Variants in CNTNAP2 observed in about 807,000 individuals in gnomAD.
The protein encoded by CNTNAP2 is contactin-associated protein-like 2.
A neutral mutation model predicts 155.2 loss-of-function variants in CNTNAP2; 98 were observed. That is an observed-to-expected ratio of 0.63 (90% CI 0.54 to 0.75). CNTNAP2 has a LOEUF of 0.75. Among genes scored for constraint, CNTNAP2 ranks in the 30% least tolerant of loss-of-function variants. The pLI is 0.00. For missense variants in CNTNAP2, 1,727 were observed against 1,688.1 expected, an observed-to-expected ratio of 1.02 and a Z score of -0.40; for synonymous variants, 651 against 631.2, an observed-to-expected ratio of 1.03 and a Z score of -0.47.
chr7:146,334,098 A>AT (rs1801230491), intron 1 of CNTNAP2, among the ~76,000 whole-genome samples: 1 of 152,186 alleles, frequency 6.6e-6, no homozygotes, highest in South Asian at 2.1e-4. Flanking sequence ...CTCAGTAGGC[A>AT]AGAGGCATAG....
chr7:148,069,759 C>CAAAAA (rs57389619), intron 15 of CNTNAP2, among the ~76,000 whole-genome samples: 1 of 68,930 alleles, frequency 1.5e-5, no homozygotes, highest in African/African-American at 4.1e-5. Flanking sequence ...GACTCCGTCT[C>CAAAAA]AAAAAAAAAA....
chr7:146,518,988 A>G lies in CNTNAP2; in HGVS notation c.98-255283A>G, dbSNP rs145026090. 2.4e-3 allele frequency among the ~76,000 whole-genome samples: 371 copies of G among 152,034 alleles called. 4 individuals are homozygous for G. Among genetic ancestry groups the G allele is most frequent in the Non-Finnish European group, 1.0e-3 (71 of 67,874 alleles). ...GCTAATTATCTTTCAATCTGTCAGT[A>G]TCACATCTGTGAAGGTTTTCTTTCT... On this transcript the variant is annotated intron_variant, in intron 1 of 23. Coordinates refer to ENST00000361727, the MANE Select transcript of CNTNAP2 (RefSeq NM_014141.6).
chr7:148,294,303 C>T (rs1797243486), intron 21 of CNTNAP2, among the ~76,000 whole-genome samples: 1 of 152,150 alleles, frequency 6.6e-6, no homozygotes, highest in East Asian at 1.9e-4. Flanking sequence ...TCAGAATATA[C>T]TCTCTAAGCA....
At chr7:146,525,913 C>G (rs1175800407) in intron 1 of CNTNAP2, among the ~76,000 whole-genome samples, 1 of 152,120 alleles carries the variant, frequency 6.6e-6, no homozygotes, top group Non-Finnish European at 1.5e-5. Context: ...CATGCTGTAT[C>G]TGCTTATGTT....
At chr7:146,609,868 C>A (rs1459798192) in intron 1 of CNTNAP2, among the ~76,000 whole-genome samples, 1 of 152,142 alleles carries the variant, frequency 6.6e-6, no homozygotes, top group East Asian at 1.9e-4. Context: ...AACTCCAGAC[C>A]AGTGGTTCAC....
intron 21 of CNTNAP2, among the ~76,000 whole-genome samples, chr7:148,325,435 A>G (rs1023416576): frequency 6.6e-6 from 1 of 152,256 alleles, no homozygotes; most frequent in African/African-American, 2.4e-5. Flanking sequence ...CACAACTAAC[A>G]AAGACCATCT....
At position 146,413,860 on chromosome 7, in the gene CNTNAP2, G is replaced by A. The variant is rs114512254; in HGVS notation, c.97+296887G>A. On this transcript the variant is annotated intron_variant, in intron 1 of 23. Coordinates refer to ENST00000361727, the MANE Select transcript of CNTNAP2 (RefSeq NM_014141.6). The stretch of plus-strand genomic sequence containing the variant: ...TTCTTTTTTTTCTTTTTTAAAAGTT[G>A]AGCTTATAAGATCATGCCTGGTGAA... 5.5e-3 allele frequency among the ~76,000 whole-genome samples: 830 copies of A among 151,898 alleles called. 8 individuals carry two copies. Among genetic ancestry groups the A allele is most frequent in the African/African-American group, 0.019 (773 of 41,436 alleles).
At chr7:146,659,461 C>T (rs987593354) in intron 1 of CNTNAP2, among the ~76,000 whole-genome samples, 3 of 152,044 alleles carry the variant, frequency 2.0e-5, no homozygotes, top group African/African-American at 7.2e-5. Flanking sequence ...GCAAAAATGT[C>T]CTGCTATTTT....
At chr7:147,654,808 C>CTTTTTTTTTTTTTTTTTTTT (rs1186575442) in intron 13 of CNTNAP2, among the ~76,000 whole-genome samples, 2 of 97,342 alleles carry the variant, frequency 2.1e-5, no homozygotes, top group East Asian at 2.8e-4. Flanking sequence ...AAATATATTT[C>CTTTTTTTTTTTTTTTTTTTT]TTTTTTTTTT....
chr7:147,468,768 A>G (rs970860767), intron 10 of CNTNAP2, among the ~76,000 whole-genome samples: 26 of 152,114 alleles, frequency 1.7e-4, no homozygotes, highest in African/African-American at 6.0e-4. Context: ...ATTCCTCACT[A>G]CTTAAAGATT....
chr7:147,903,729 C>T lies in CNTNAP2; in HGVS notation c.2255+8C>T. The T allele has an allele frequency of 1.2e-6, 2 of 1,613,144 alleles. No homozygotes were observed. Among genetic ancestry groups the T allele is most frequent in the Non-Finnish European group, 1.7e-6 (2 of 1,179,640 alleles). ...CGCGGACTACAAGCAATGGTGAGTG[C>T]CTGCGGGCAGCACAGCCAGGCTCAC... On this transcript the variant is annotated splice_region_variant and intron_variant, in intron 14 of 23. Transcript: ENST00000361727.
intron 10 of CNTNAP2, among the ~76,000 whole-genome samples, chr7:147,398,060 C>A (rs1463884599): frequency 2.0e-5 from 3 of 152,028 alleles, no homozygotes; most frequent in Admixed American, 6.6e-5. Context: ...AGTTCAAAAT[C>A]TTAAGCATGA....
intron 15 of CNTNAP2, among the ~76,000 whole-genome samples, chr7:148,044,259 G>A (rs1056185372): frequency 2.8e-5 from 4 of 144,888 alleles, no homozygotes; most frequent in African/African-American, 1.0e-4. Flanking sequence ...TTCTAGCTCC[G>A]ACCCAAGGGG....
intron 14 of CNTNAP2, among the ~76,000 whole-genome samples, chr7:147,932,279 C>T (rs1046232982): frequency 5.3e-5 from 8 of 152,126 alleles, no homozygotes; most frequent in Non-Finnish European, 8.8e-5. Flanking sequence ...AGAAAAAGAA[C>T]AAAGCTGGAG....
At chr7:147,409,925 A>G (rs905941364) in intron 10 of CNTNAP2, among the ~76,000 whole-genome samples, 22 of 152,166 alleles carry the variant, frequency 1.4e-4, no homozygotes, top group Non-Finnish European at 3.1e-4. Context: ...ATGCTTTGGG[A>G]AAAAAAGGAA....
At chr7:146,169,070 G>A (rs1364361922) in intron 1 of CNTNAP2, among the ~76,000 whole-genome samples, 1 of 152,086 alleles carries the variant, frequency 6.6e-6, no homozygotes, top group Non-Finnish European at 1.5e-5. Flanking sequence ...ATCCTCATTA[G>A]CAGCACCTTT....
intron 1 of CNTNAP2, among the ~76,000 whole-genome samples, chr7:146,265,765 A>T (rs1799985178): frequency 6.6e-6 from 1 of 152,174 alleles, no homozygotes; most frequent in Non-Finnish European, 1.5e-5. Context: ...TGTGCTGAGT[A>T]TATTTTCAAA....
chr7:147,841,395 T>G (rs851703), intron 13 of CNTNAP2, among the ~76,000 whole-genome samples: 55,673 of 151,994 alleles, frequency 0.37, 10,464 homozygotes, highest in East Asian at 0.5. Flanking sequence ...GTGTGAGAAC[T>G]GACTAGATAA....
At chr7:146,129,498 G>T (rs1009523091) in intron 1 of CNTNAP2, among the ~76,000 whole-genome samples, 1 of 152,144 alleles carries the variant, frequency 6.6e-6, no homozygotes, top group African/African-American at 2.4e-5. Flanking sequence ...TCCTGGAGTT[G>T]TACTGTGTCA....
Sources: allele counts gnomAD v4.1 joint callset (sites outside exome capture counted in the v4.1 genomes callset), GRCh38; gene constraint gnomAD v4.1.1; transcripts MANE v1.5; gene names NCBI Gene and HGNC (gene_info 2026-07-23, HGNC 2026-07-21).